Variants in NOTCH2 observed in about 807,000 individuals in gnomAD.
NOTCH2 encodes the protein notch receptor 2.
NOTCH2 carries 29 observed loss-of-function variants against 235.8 expected under a neutral mutation model. That is an observed-to-expected ratio of 0.12 (90% CI 0.09 to 0.17). NOTCH2 has a LOEUF of 0.17. Among genes scored for constraint, NOTCH2 ranks in the 10% least tolerant of loss-of-function variants. NOTCH2 has a pLI of 1.00. For missense variants in NOTCH2, 2,285 were observed against 3,150.2 expected (o/e 0.73, Z 6.57); for synonymous variants, 1,086 against 1,141.5 (o/e 0.95, Z 0.98).
At chr1:120,038,217 T>C (rs1557858111) in intron 1 of NOTCH2, among the ~76,000 whole-genome samples, 1 of 152,180 alleles carries the variant, frequency 6.6e-6, no homozygotes, top group Non-Finnish European at 1.5e-5. Flanking sequence ...TCAGCTCTTC[T>C]ACATGAAATA....
chr1:119,979,887 C>A (rs1651744032), intron 5 of NOTCH2, among the ~76,000 whole-genome samples: 1 of 152,032 alleles, frequency 6.6e-6, no homozygotes, highest in Admixed American at 6.6e-5. Flanking sequence ...TAAATACATT[C>A]TAATTTCTGA....
chr1:119,953,984 T>C (rs1304183916), intron 13 of NOTCH2, among the ~76,000 whole-genome samples: 2 of 152,208 alleles, frequency 1.3e-5, no homozygotes, highest in Non-Finnish European at 2.9e-5. Context: ...AACAATATCA[T>C]GGATAAATCT....
At chr1:119,975,059 G>C (rs969239776) in intron 5 of NOTCH2, among the ~76,000 whole-genome samples, 6 of 152,210 alleles carry the variant, frequency 3.9e-5, no homozygotes, top group Admixed American at 3.3e-4. Context: ...TGCACAGTTA[G>C]TTGGCAAAAT....
At chr1:119,965,197 C>G (rs931018747) in intron 10 of NOTCH2, among the ~76,000 whole-genome samples, 1 of 152,224 alleles carries the variant, frequency 6.6e-6, no homozygotes, top group Admixed American at 6.5e-5. Flanking sequence ...TGGAAACTTA[C>G]TGCTGCCAAA....
intron 22 of NOTCH2, among the ~76,000 whole-genome samples, chr1:119,930,061 G>A (rs1649602897): frequency 6.6e-6 from 1 of 152,198 alleles, no homozygotes. Context: ...TAGGTGTGTA[G>A]TAAGCCATAC....
chr1:120,015,102 C>T (rs2596038), intron 2 of NOTCH2, among the ~76,000 whole-genome samples: 5,844 of 148,992 alleles, frequency 0.039, no homozygotes, highest in East Asian at 0.12. Context: ...GCATGCTTTA[C>T]AAAACAGCTA....
intron 5 of NOTCH2, among the ~76,000 whole-genome samples, chr1:119,984,249 A>G (rs1355451482): frequency 6.6e-6 from 1 of 152,214 alleles, no homozygotes; most frequent in Non-Finnish European, 1.5e-5. Context: ...AAGTTCTTAA[A>G]ATAAAACAAG....
chr1:119,971,552 G>A (rs1553200368), intron 5 of NOTCH2, among the ~76,000 whole-genome samples: 1 of 152,144 alleles, frequency 6.6e-6, no homozygotes, highest in East Asian at 1.9e-4. Flanking sequence ...CAGGCACAGT[G>A]GCTCACACCT....
At position 119,972,279 on chromosome 1, in the gene NOTCH2, A is replaced by T. The variant is rs1466171229; in HGVS notation, c.875-2535T>A. ...TTTGCTGTCTTATAGTGCTAGCAGA[A>T]ATGGTACCTCAAAGTAATGACAGCT... On this transcript the variant is annotated intron_variant, in intron 5 of 33. Coordinates refer to ENST00000256646, the MANE Select transcript of NOTCH2 (RefSeq NM_024408.4). Among the ~76,000 whole-genome samples the T allele has an allele frequency of 3.3e-5, 5 of 152,142 alleles. 1 individual carries two copies. The highest frequency in any genetic ancestry group is 1.2e-4 in the African/African-American group (5 of 41,424).
chr1:120,000,811 C>T (rs1652719690), intron 3 of NOTCH2, among the ~76,000 whole-genome samples: 1 of 152,096 alleles, frequency 6.6e-6, no homozygotes, highest in South Asian at 2.1e-4. Flanking sequence ...CTTACATCAT[C>T]AATACCATCA....
intron 2 of NOTCH2, among the ~76,000 whole-genome samples, chr1:120,014,982 T>A (rs1553207673): frequency 1.3e-5 from 1 of 75,354 alleles, no homozygotes; most frequent in African/African-American, 4.0e-5. Flanking sequence ...GCTGCAGCTC[T>A]GTCTTTAGCT....
intron 27 of NOTCH2, 50 bp downstream of exon 27, chr1:119,922,586 A>G (rs200925245): frequency 1.9e-6 from 3 of 1,612,712 alleles, no homozygotes; most frequent in Non-Finnish European, 2.5e-6. Context: ...TGTTCCCCCA[A>G]TTGACACTCT....
intron 5 of NOTCH2, among the ~76,000 whole-genome samples, chr1:119,980,059 C>T (rs911094631): frequency 6.6e-6 from 1 of 152,172 alleles, no homozygotes; most frequent in African/African-American, 2.4e-5. Context: ...TCTCCTGTCT[C>T]GCATGATATC....
chr1:119,919,453 G>C lies in NOTCH2; in HGVS notation c.5640C>G (p.Ala1880=). 6.2e-7 allele frequency: 1 copy of C among 1,613,818 alleles called. No homozygotes were observed. The highest frequency in any genetic ancestry group is 8.5e-7 in the Non-Finnish European group (1 of 1,180,044). The change falls in exon 31 of 34, where the codon GCC becomes GCG. Residue 1880 remains alanine, a synonymous_variant. Coordinates refer to ENST00000256646, the MANE Select transcript of NOTCH2 (RefSeq NM_024408.4). The part of the protein sequence containing the change: ...QAQTDRTGEM[A]LHLAARYSRA... ...GTGAGTAGCGGGCTGCAAGGTGCAG[G>C]GCCATCTCACCAGTCCGGTCTGTCT...
intron 22 of NOTCH2, among the ~76,000 whole-genome samples, chr1:119,929,707 T>C (rs1209325402): frequency 6.6e-6 from 1 of 152,262 alleles, no homozygotes; most frequent in Non-Finnish European, 1.5e-5. Flanking sequence ...AGTAACATCA[T>C]AGCCTTGTAA....
intron 15 of NOTCH2, chr1:119,950,185 T>A: frequency 3.2e-6 from 1 of 308,122 alleles, no homozygotes; most frequent in South Asian, 2.9e-5. Flanking sequence ...AGCTTCAGAT[T>A]CAAAGAGACC....
chr1:120,017,441 T>G (rs1175128241), intron 2 of NOTCH2, among the ~76,000 whole-genome samples: 2 of 152,070 alleles, frequency 1.3e-5, no homozygotes, highest in Non-Finnish European at 2.9e-5. Flanking sequence ...GTCAACAGAC[T>G]AAAATTATTA....
Position 119,922,378 on chromosome 1 carries a change from A to G in NOTCH2, c.5071T>C (p.Phe1691Leu). The G allele has an allele frequency of 6.2e-7, 1 of 1,614,180 alleles. No homozygotes were observed. ...ATGATTACCCCCAGCAGAATAATAAACAGAATGATGACAACAGCAACAGCA... is the reference window on the plus strand; with the variant it reads ...ATGATTACCCCCAGCAGAATAATAAGCAGAATGATGACAACAGCAACAGCA... Reference protein sequence around the residue: ...LLAVAVVIILFIILLGVIMAK... With the variant: ...LLAVAVVIILLIILLGVIMAK... Residue 1691 changes from phenylalanine (F) to leucine (L), a missense_variant, in exon 28 of 34, where the codon TTT (phenylalanine) becomes CTT (leucine). By Grantham distance (22) the Phe-to-Leu change is conservative. Coordinates refer to ENST00000256646, the MANE Select transcript of NOTCH2 (RefSeq NM_024408.4).
Position 119,915,792 on chromosome 1 carries a change from G to C in NOTCH2, c.6930C>G (p.Ile2310Met), listed in dbSNP as rs1191972942. ...PLPPIVTFQL[I>M]PKGSIAQPAG... ...CTGGTTGGGCAATACTGCCTTTAGG[G>C]ATGAGCTGGAAAGTCACAATGGGGG... Residue 2310 changes from isoleucine to methionine, a missense_variant, in exon 34 of 34, where the codon ATC becomes ATG. Ile to Met is a conservative substitution (Grantham distance 10, BLOSUM62 1). This residue lies in a region of NOTCH2 where 504 missense variants were observed against 538.0 expected (regional missense o/e 0.94). Coordinates refer to ENST00000256646, the MANE Select transcript of NOTCH2 (RefSeq NM_024408.4). 3 of 1,612,330 alleles carry C rather than the reference G, an allele frequency of 1.9e-6. No individual in the cohort carries two copies. In the African/African-American group the frequency reaches 4.0e-5, roughly 22 times the overall value.
Sources: gnomAD v4.1 joint callset for allele counts (sites outside exome capture counted in the v4.1 genomes callset) on GRCh38, gnomAD v4.1.1 for gene constraint, gnomAD v4.1.1 regional missense constraint, MANE v1.5 for transcripts, NCBI Gene and HGNC (gene_info 2026-07-23, HGNC 2026-07-21) for gene names.